Variants in RIF1 observed in about 807,000 individuals in gnomAD.
The protein encoded by RIF1 is telomere-associated protein RIF1.
A neutral mutation model predicts 247.1 loss-of-function variants in RIF1; 45 were observed. The observed-to-expected ratio is 0.18, with a 90% CI of 0.14 to 0.23. The LOEUF (loss-of-function observed/expected upper bound fraction) is 0.23, where lower values mean the gene tolerates loss of function less well. Among genes scored for constraint, RIF1 ranks in the 10% least tolerant of loss-of-function variants. The pLI, the probability that RIF1 is intolerant of heterozygous loss-of-function variation, is 1.00. For missense variants in RIF1, 2,967 were observed against 2,862.5 expected (o/e 1.04, Z -0.83); for synonymous variants, 1,087 against 978.8 (o/e 1.11, Z -2.06).
chr2:151,483,748 A>G (rs533286865), downstream of RIF1, among the ~76,000 whole-genome samples: 4 of 152,298 alleles, frequency 2.6e-5, no homozygotes, highest in East Asian at 7.7e-4. Flanking sequence ...GCTGTACAGC[A>G]GGAGGTCGAG....
intron 7 of RIF1, among the ~76,000 whole-genome samples, chr2:151,421,992 C>T (rs1573893693): frequency 6.6e-6 from 1 of 151,674 alleles, no homozygotes; most frequent in Non-Finnish European, 1.5e-5. Flanking sequence ...CAACCATGCC[C>T]GACCGATATT....
chr2:151,459,257 T>G (rs1419639769), intron 25 of RIF1, among the ~76,000 whole-genome samples: 1 of 152,224 alleles, frequency 6.6e-6, no homozygotes, highest in Non-Finnish European at 1.5e-5. Context: ...AAAAAATTGA[T>G]TTTCTCAATT....
rs1179211341 is a variant in RIF1 at position 151,480,333 on chromosome 2, G to A, written c.*5262G>A. ...TAGATAAAGCTGAATTTACTGGGCA[G>A]CAAGCTTATATGCTGATAGAAGTTG... On this transcript the variant is annotated 3_prime_UTR_variant, in exon 36 of 36. Coordinates refer to ENST00000444746, the MANE Select transcript of RIF1 (RefSeq NM_018151.5). The A allele has an allele frequency of 6.6e-6, 1 of 152,156 alleles. No homozygotes were observed. Among genetic ancestry groups the A allele is most frequent in the African/African-American group, 2.4e-5 (1 of 41,444 alleles). The allele number at this position is 152,156 out of a possible 1,614,324, so 9.4% of individuals were successfully genotyped here.
intron 24 of RIF1, among the ~76,000 whole-genome samples, chr2:151,458,205 A>G (rs1695520237): frequency 1.3e-5 from 2 of 151,486 alleles, no homozygotes. Context: ...TAAAAGAGAC[A>G]AGGAGGACAG....
chr2:151,437,163 A>T (rs1691382778), intron 12 of RIF1, 78 bp from the exon 13 acceptor site: 1 of 1,280,618 alleles, frequency 7.8e-7, no homozygotes, highest in Admixed American at 2.0e-5. Context: ...CTTAATAGAC[A>T]TTTTAAAGTT....
chr2:151,491,646 T>C (rs1159198948), intron 9 of RIF1: 3 of 1,446,204 alleles, frequency 2.1e-6, no homozygotes, highest in Non-Finnish European at 2.9e-6. Flanking sequence ...TACTAAATGG[T>C]GATGTTTATG....
chr2:151,425,878 C>T (rs1326297535), intron 8 of RIF1, among the ~76,000 whole-genome samples: 2 of 151,378 alleles, frequency 1.3e-5, no homozygotes, highest in South Asian at 2.1e-4. Flanking sequence ...GGGGTTTTAC[C>T]ACGTTGGCCA....
chr2:151,526,241 C>T, the RIF1 span: 5 of 1,612,496 alleles, frequency 3.1e-6, no homozygotes, highest in African/African-American at 1.3e-5. Context: ...CTTTCCTTGA[C>T]ATGTTTCTCT....
chr2:151,491,596 AG>A, intron 9 of RIF1: 1 of 1,118,272 alleles, frequency 8.9e-7, no homozygotes, highest in Non-Finnish European at 1.3e-6. Context: ...TCTGGAGGGA[AG>A]GAACTTCAGA....
At chr2:151,514,372 C>A in the RIF1 span, 2 of 1,613,766 alleles carry the variant, frequency 1.2e-6, no homozygotes, top group African/African-American at 2.7e-5. Context: ...GTGTATCTTC[C>A]ATTTCAGTGA....
intron 25 of RIF1, 34 bp from the exon 26 acceptor site, chr2:151,459,966 A>AT: frequency 6.8e-7 from 1 of 1,477,490 alleles, no homozygotes; most frequent in Non-Finnish European, 9.1e-7. Context: ...TTACCGTTCT[A>AT]TTTAATGAAA....
chr2:151,497,495 G>C, intron 10 of RIF1: 1 of 1,484,150 alleles, frequency 6.7e-7, no homozygotes, highest in Non-Finnish European at 8.9e-7. Context: ...AGGAAAAAAG[G>C]ATAAATTTGC....
the RIF1 span, chr2:151,527,402 T>C: frequency 9.0e-7 from 1 of 1,109,796 alleles, no homozygotes; most frequent in Non-Finnish European, 1.3e-6. Context: ...CTCATGATAG[T>C]GGTTATTATA....
intron 8 of RIF1, among the ~76,000 whole-genome samples, chr2:151,428,425 T>A (rs1689493989): frequency 6.6e-6 from 1 of 152,190 alleles, no homozygotes; most frequent in African/African-American, 2.4e-5. Context: ...CTAATATAAT[T>A]TTTTAATGTA....
At chr2:151,447,144 C>T (rs904354518) in intron 20 of RIF1, among the ~76,000 whole-genome samples, 3 of 151,838 alleles carry the variant, frequency 2.0e-5, no homozygotes, top group Non-Finnish European at 2.9e-5. Flanking sequence ...GGGGTTTCAC[C>T]GTGTTAGCCA....
At chr2:151,418,611 A>T (rs1029515772) in intron 6 of RIF1, among the ~76,000 whole-genome samples, 1 of 151,730 alleles carries the variant, frequency 6.6e-6, no homozygotes, top group South Asian at 2.1e-4. Flanking sequence ...GCTTTGGCTC[A>T]CACCTGTAAT....
At chr2:151,519,625 G>T in the RIF1 span, 2 of 1,466,366 alleles carry the variant, frequency 1.4e-6, no homozygotes, top group Non-Finnish European at 1.9e-6. Context: ...CAAATACCAT[G>T]TTATATATTT....
At chr2:151,498,159 A>G in intron 10 of RIF1, 1 of 1,538,486 alleles carries the variant, frequency 6.5e-7, no homozygotes, top group Non-Finnish European at 8.8e-7. Flanking sequence ...ATGTATTAGA[A>G]GCAAAGAAGG....
Position 151,478,259 on chromosome 2 carries a change from G to A in RIF1, c.*3188G>A, listed in dbSNP as rs779499129. 3 of 152,214 alleles carry A rather than the reference G, an allele frequency of 2.0e-5. No homozygotes were observed. Among genetic ancestry groups the A allele is most frequent in the South Asian group, 2.1e-4 (1 of 4,826 alleles). 9.4% of individuals were successfully genotyped at this position (152,214 alleles called of 1,614,324 possible). A position where few individuals can be genotyped will look rare whatever the true frequency, so the allele number is the denominator to read the frequency against. On this transcript the variant is annotated 3_prime_UTR_variant, in exon 36 of 36. Coordinates refer to ENST00000444746, the MANE Select transcript of RIF1 (RefSeq NM_018151.5). ...AAAAGCATGACTGAAGGCCCGGCAG[G>A]TGGATCACTTTGGCCCAGGAGTTCA... is the stretch of plus-strand genomic sequence containing the variant.
Sources: gnomAD v4.1 joint callset for allele counts (sites outside exome capture counted in the v4.1 genomes callset) on GRCh38, gnomAD v4.1.1 for gene constraint, MANE v1.5 for transcripts, NCBI Gene and HGNC (gene_info 2026-07-23, HGNC 2026-07-21) for gene names.